The following ENDOD1 variants were observed in gnomAD, a reference collection of about 807,000 sequenced individuals.
The protein encoded by ENDOD1 is endonuclease domain-containing 1 protein.
In ENDOD1, 9 loss-of-function variants were observed where a neutral mutation model predicts 6.5. That is an observed-to-expected ratio of 1.39 (90% CI 0.84 to 2.43). The LOEUF is 2.43. Ranked by LOEUF, ENDOD1 falls within the 30% of genes most tolerant of loss-of-function variation. ENDOD1 has a pLI of 0.00. For synonymous variants in ENDOD1, 255 were observed against 255.2 expected (o/e 1.00, Z 0.01); for missense variants, 648 against 635.5 (o/e 1.02, Z -0.21).
At chr11:95,091,847 G>C (rs541080644) in intron 1 of ENDOD1, among the ~76,000 whole-genome samples, 1 of 152,254 alleles carries the variant, frequency 6.6e-6, no homozygotes, top group Non-Finnish European at 1.5e-5. Context: ...TGCTATGTGG[G>C]TTCATATCCT....
chr11:95,124,274 T>A (rs1023283178), intron 1 of ENDOD1, among the ~76,000 whole-genome samples: 1 of 152,206 alleles, frequency 6.6e-6, no homozygotes, highest in African/African-American at 2.4e-5. Context: ...TCATTCTGTG[T>A]CTTGGTTTCC....
intron 1 of ENDOD1, among the ~76,000 whole-genome samples, chr11:95,100,927 A>G (rs1555110801): frequency 8.1e-6 from 1 of 123,368 alleles, no homozygotes; most frequent in African/African-American, 3.2e-5. Context: ...TGCCCATGAT[A>G]CTCTCTAGTA....
rs970335333 is a variant in ENDOD1 at position 95,131,317 on chromosome 11, T to C, written c.*1738T>C. The C allele has an allele frequency of 3.9e-5, 6 of 152,120 alleles. No homozygotes were observed. The highest frequency in any genetic ancestry group is 1.4e-4 in the African/African-American group (6 of 41,414). The allele number at this position is 152,120 out of a possible 1,614,324, so 9.4% of individuals were successfully genotyped here. ...TTTATTTCAGCAGTGTGAAGGTAAA[T>C]GGAAGGGTGAGGGTTTGACTTGGTA... is the stretch of plus-strand genomic sequence containing the variant. On this transcript the variant is annotated 3_prime_UTR_variant, in exon 2 of 2. Coordinates refer to ENST00000278505, the MANE Select transcript of ENDOD1 (RefSeq NM_015036.3).
Position 95,130,530 on chromosome 11 carries a change from G to A in ENDOD1, c.*951G>A, listed in dbSNP as rs1315697590. 1 of 151,984 alleles carries A rather than the reference G, an allele frequency of 6.6e-6. No homozygotes were observed. Among genetic ancestry groups the A allele is most frequent in the Non-Finnish European group, 1.5e-5 (1 of 68,018 alleles). The allele number at this position is 151,984 out of a possible 1,614,324, so 9.4% of individuals were successfully genotyped here. ...AAGCTAACATGAAAATTCATATTCT[G>A]CAACATAGTAGATTTTTCTAATGCA... On this transcript the variant is annotated 3_prime_UTR_variant, in exon 2 of 2. Coordinates refer to ENST00000278505, the MANE Select transcript of ENDOD1 (RefSeq NM_015036.3).
At chr11:95,093,297 A>G (rs1050611879) in intron 1 of ENDOD1, among the ~76,000 whole-genome samples, 4 of 152,214 alleles carry the variant, frequency 2.6e-5, no homozygotes, top group African/African-American at 9.6e-5. Flanking sequence ...AGTTCCTCTC[A>G]TAAACCAGAC....
chr11:95,124,184 A>G (rs1398239626), intron 1 of ENDOD1, among the ~76,000 whole-genome samples: 1 of 152,158 alleles, frequency 6.6e-6, no homozygotes, highest in Non-Finnish European at 1.5e-5. Flanking sequence ...CAAAATAGAG[A>G]TGCTAGAAAA....
At chr11:95,125,768 T>C (rs1309525796) in intron 1 of ENDOD1, among the ~76,000 whole-genome samples, 1 of 152,180 alleles carries the variant, frequency 6.6e-6, no homozygotes, top group African/African-American at 2.4e-5. Flanking sequence ...ACAAAGGACA[T>C]GAACTCATCA....
chr11:95,099,102 G>C (rs782819645), intron 1 of ENDOD1, among the ~76,000 whole-genome samples: 1 of 152,160 alleles, frequency 6.6e-6, no homozygotes, highest in Non-Finnish European at 1.5e-5. Context: ...ACTCCATTGG[G>C]CCGAGGGTGC....
In ENDOD1 at chr11:95,129,395, T is replaced by TC. The variant is rs35791015; in HGVS notation, c.1322dup (p.Val442CysfsTer27). 3.1e-6 allele frequency: 5 copies of TC among 1,614,082 alleles called. No individual in the cohort carries two copies. The highest frequency in any genetic ancestry group is 4.2e-6 in the Non-Finnish European group (5 of 1,180,044). On this transcript the variant is annotated frameshift_variant, in exon 2 of 2. Transcript: ENST00000278505. LOFTEE classifies it high-confidence loss of function. ...CGTGTCCTTGTGGATGTGGCCACTT[T>TC]CCCTGTGTACACCATGGGCGCTATT...
Position 95,128,446 on chromosome 11 carries a change from C to T in ENDOD1, c.370C>T (p.Leu124=). The T allele has an allele frequency of 6.2e-7, 1 of 1,614,196 alleles. No individual in the cohort carries two copies. The highest frequency in any genetic ancestry group is 8.5e-7 in the Non-Finnish European group (1 of 1,180,026). ...EAEAITSVNS[L]GSKQALNTDY... Reference sequence around the variant, plus strand: ...AGAGGCCATCACCTCTGTGAACAGCCTGGGAAGCAAGCAAGCCTTGAATAC... The same window carrying T: ...AGAGGCCATCACCTCTGTGAACAGCTTGGGAAGCAAGCAAGCCTTGAATAC... Residue 124 remains leucine (L), a synonymous_variant, in exon 2 of 2, where the codon CTG becomes TTG. Transcript: ENST00000278505.
At chr11:95,101,974 ATTGCATATTTC>A (rs1331837028) in intron 1 of ENDOD1, among the ~76,000 whole-genome samples, 5 of 152,020 alleles carry the variant, frequency 3.3e-5, no homozygotes, top group Non-Finnish European at 7.4e-5. Flanking sequence ...GTCCAGCTAC[ATTGCATATTTC>A]TTTCAAGAAT....
chr11:95,107,296 T>A (rs1299985719), intron 1 of ENDOD1, among the ~76,000 whole-genome samples: 1 of 147,744 alleles, frequency 6.8e-6, no homozygotes, highest in South Asian at 2.1e-4. Flanking sequence ...ATCGGGACAC[T>A]ACCCTCCAGC....
chr11:95,120,378 G>C (rs1345644179), intron 1 of ENDOD1, among the ~76,000 whole-genome samples: 1 of 152,088 alleles, frequency 6.6e-6, no homozygotes, highest in Non-Finnish European at 1.5e-5. Context: ...TCAGTTAGCA[G>C]ATGATGAATC....
At chr11:95,121,845 T>C (rs1591019324) in intron 1 of ENDOD1, among the ~76,000 whole-genome samples, 2 of 152,214 alleles carry the variant, frequency 1.3e-5, no homozygotes, top group African/African-American at 4.8e-5. Context: ...AATTTTTCCA[T>C]TGAATACAGG....
chr11:95,105,509 G>A (rs1302069431), intron 1 of ENDOD1, among the ~76,000 whole-genome samples: 1 of 152,090 alleles, frequency 6.6e-6, no homozygotes, highest in Non-Finnish European at 1.5e-5. Context: ...GTGGTTTGCG[G>A]TGCCTAACAG....
chr11:95,110,929 A>G (rs1859143262), intron 1 of ENDOD1, among the ~76,000 whole-genome samples: 1 of 152,164 alleles, frequency 6.6e-6, no homozygotes, highest in Admixed American at 6.5e-5. Context: ...TGTCCCTGTC[A>G]TGTCTCTGAG....
In ENDOD1 at chr11:95,129,086, C is replaced by T. The variant is rs920611514; in HGVS notation, c.1010C>T (p.Thr337Ile). 5 of 1,614,056 alleles carry T rather than the reference C, an allele frequency of 3.1e-6. No individual in the cohort carries two copies. The highest frequency in any genetic ancestry group is 2.2e-5 in the South Asian group (2 of 91,084). The part of the protein sequence containing the change: ...FLGKLMGFIA[T>I]PFIKLFQLIY... ...GGAAAACTCATGGGCTTCATTGCTACCCCATTCATCAAGCTTTTTCAATTA... is the reference window on the plus strand; with the variant it reads ...GGAAAACTCATGGGCTTCATTGCTATCCCATTCATCAAGCTTTTTCAATTA... Residue 337 changes from threonine to isoleucine, a missense_variant, in exon 2 of 2, where the codon ACC becomes ATC. Thr to Ile is a moderately conservative substitution (Grantham distance 89, BLOSUM62 -1). Coordinates refer to ENST00000278505, the MANE Select transcript of ENDOD1 (RefSeq NM_015036.3).
At chr11:95,108,651 G>A (rs1030853521) in intron 1 of ENDOD1, among the ~76,000 whole-genome samples, 4 of 151,988 alleles carry the variant, frequency 2.6e-5, no homozygotes, top group African/African-American at 9.7e-5. Flanking sequence ...TTCCTGAAAT[G>A]GGTGGGTTGG....
chr11:95,105,070 T>C (rs1370227075), intron 1 of ENDOD1, among the ~76,000 whole-genome samples: 1 of 152,210 alleles, frequency 6.6e-6, no homozygotes, highest in Non-Finnish European at 1.5e-5. Context: ...AATACTTGGT[T>C]GTGGATATAT....
Sources: gnomAD v4.1 joint callset for allele counts (sites outside exome capture counted in the v4.1 genomes callset) on GRCh38, gnomAD v4.1.1 for gene constraint, MANE v1.5 for transcripts, NCBI Gene and HGNC (gene_info 2026-07-23, HGNC 2026-07-21) for gene names.